The following CAT variants were observed in gnomAD, a reference collection of about 807,000 sequenced individuals.
CAT encodes the protein epididymis secretory sperm binding protein.
In CAT, 43 loss-of-function variants were observed where a neutral mutation model predicts 59.0. The ratio of observed to expected loss-of-function variants is 0.73; its 90% confidence interval spans 0.57 to 0.94. The LOEUF (loss-of-function observed/expected upper bound fraction) is 0.94, where lower values mean the gene tolerates loss of function less well. CAT is among the 40% of genes least tolerant of loss of function. The pLI is 0.00. For missense variants in CAT, 664 were observed against 682.9 expected, an observed-to-expected ratio of 0.97 and a Z score of 0.31; for synonymous variants, 218 against 230.9, an observed-to-expected ratio of 0.94 and a Z score of 0.51.
At chr11:34,447,057 A>G (rs1856465377) in intron 1 of CAT, among the ~76,000 whole-genome samples, 1 of 152,082 alleles carries the variant, frequency 6.6e-6, no homozygotes, top group African/African-American at 2.4e-5. Context: ...ATGTCCCTTT[A>G]TTTTTTAAAG....
intron 1 of CAT, among the ~76,000 whole-genome samples, chr11:34,441,834 A>G (rs748929288): frequency 9.2e-5 from 14 of 152,160 alleles, no homozygotes; most frequent in Non-Finnish European, 1.8e-4. Flanking sequence ...AAATTCTTAC[A>G]TAAGTCTTTT....
chr11:34,466,380 G>A (rs1025038152), intron 10 of CAT, among the ~76,000 whole-genome samples: 4 of 152,028 alleles, frequency 2.6e-5, no homozygotes, highest in Non-Finnish European at 5.9e-5. Context: ...AAATCAAGAG[G>A]GAGAAAAAAC....
At chr11:34,462,208 T>C (rs999079092) in intron 9 of CAT, among the ~76,000 whole-genome samples, 1 of 152,176 alleles carries the variant, frequency 6.6e-6, no homozygotes, top group African/African-American at 2.4e-5. Flanking sequence ...TTTAGTAATA[T>C]AGACTGCATG....
chr11:34,467,509 T>G (rs1363410946), intron 10 of CAT, among the ~76,000 whole-genome samples: 1 of 152,230 alleles, frequency 6.6e-6, no homozygotes, highest in Non-Finnish European at 1.5e-5. Flanking sequence ...GTTGATACTT[T>G]GGATAATTGG....
In CAT at chr11:34,456,208, T is replaced by A. The variant is rs752716591; in HGVS notation, c.903+6T>A. The A allele has an allele frequency of 6.2e-7, 1 of 1,603,626 alleles. No individual in the cohort carries two copies. Among genetic ancestry groups the A allele is most frequent in the South Asian group, 1.1e-5 (1 of 90,854 alleles). The stretch of plus-strand genomic sequence containing the variant: ...ATCCATTCGATCTCACCAAGGTGAG[T>A]CAGTAAACAACTATATTGTTTTCTT... On this transcript the variant is annotated splice_donor_region_variant and intron_variant, in intron 7 of 12. Coordinates refer to ENST00000241052, the MANE Select transcript of CAT (RefSeq NM_001752.4).
At chr11:34,454,028 C>T in intron 6 of CAT, 102 bp downstream of exon 6, 1 of 1,267,084 alleles carries the variant, frequency 7.9e-7, no homozygotes, top group Non-Finnish European at 1.1e-6. Context: ...CCACTTTTCC[C>T]TCACCTCCAT....
intron 8 of CAT, among the ~76,000 whole-genome samples, chr11:34,458,975 A>G (rs1424400817): frequency 6.6e-6 from 1 of 152,116 alleles, no homozygotes; most frequent in African/African-American, 2.4e-5. Flanking sequence ...TGGCAAATAT[A>G]TCTATTTTAA....
chr11:34,460,403 T>G (rs1270027844), intron 8 of CAT, among the ~76,000 whole-genome samples: 1 of 151,648 alleles, frequency 6.6e-6, no homozygotes, highest in African/African-American at 2.4e-5. Flanking sequence ...GAGCTCAAAG[T>G]GTTTCTGAGA....
At chr11:34,460,110 A>G (rs1185795626) in intron 8 of CAT, among the ~76,000 whole-genome samples, 1 of 152,198 alleles carries the variant, frequency 6.6e-6, no homozygotes, top group Non-Finnish European at 1.5e-5. Flanking sequence ...AAATACTTTT[A>G]AGGTTCAAGG....
At chr11:34,453,304 C>G (rs1325900883) in intron 5 of CAT, 110 bp downstream of exon 5, 1 of 781,498 alleles carries the variant, frequency 1.3e-6, no homozygotes, top group African/African-American at 1.7e-5. Flanking sequence ...AATCAGCTTC[C>G]TCAGATTTCT....
intron 10 of CAT, among the ~76,000 whole-genome samples, chr11:34,465,445 A>AGAT (rs1856703639): frequency 6.6e-6 from 1 of 152,222 alleles, no homozygotes; most frequent in African/African-American, 2.4e-5. Flanking sequence ...TTGGTGATGC[A>AGAT]GATGACACCA....
In CAT at chr11:34,461,279, A is replaced by G; in HGVS notation, c.1085A>G (p.His362Arg). The G allele has an allele frequency of 6.2e-7, 1 of 1,614,172 alleles. No homozygotes were observed. Among genetic ancestry groups the G allele is most frequent in the South Asian group, 1.1e-5 (1 of 91,078 alleles). ...QGRLFAYPDTHRHRLGPNYLH... is the reference protein window; with the variant it reads ...QGRLFAYPDTRRHRLGPNYLH... Reference sequence around the variant, plus strand: ...CGCCTTTTTGCCTATCCTGACACTCACCGCCATCGCCTGGGACCCAATTAT... The same window carrying G: ...CGCCTTTTTGCCTATCCTGACACTCGCCGCCATCGCCTGGGACCCAATTAT... The change falls in exon 9 of 13, where the codon CAC (histidine) becomes CGC (arginine). Residue 362 changes from histidine to arginine, a missense_variant. Transcript: ENST00000241052.
Position 34,461,280 on chromosome 11 carries a change from C to G in CAT, c.1086C>G (p.His362Gln), listed in dbSNP as rs202096868. Residue 362 changes from histidine (H) to glutamine (Q), a missense_variant, in exon 9 of 13, where the codon CAC becomes CAG. His to Gln is a conservative substitution (Grantham distance 24). Coordinates refer to ENST00000241052, the MANE Select transcript of CAT (RefSeq NM_001752.4). ...QGRLFAYPDTHRHRLGPNYLH... is the reference protein window; with the variant it reads ...QGRLFAYPDTQRHRLGPNYLH... Reference sequence around the variant, plus strand: ...GCCTTTTTGCCTATCCTGACACTCACCGCCATCGCCTGGGACCCAATTATC... The same window carrying G: ...GCCTTTTTGCCTATCCTGACACTCAGCGCCATCGCCTGGGACCCAATTATC... 3 of 1,614,240 alleles carry G rather than the reference C, an allele frequency of 1.9e-6. No individual in the cohort carries two copies.
chr11:34,450,978 T>G lies in CAT; in HGVS notation c.239-10T>G. The G allele has an allele frequency of 6.3e-7, 1 of 1,576,012 alleles. No individual in the cohort carries two copies. The highest frequency in any genetic ancestry group is 8.7e-7 in the Non-Finnish European group (1 of 1,145,282). ...TCTCATGGTAAGGATTTCTGTGTCT[T>G]TCTCGTTAGGGGCCTTTGGCTACTT... is the stretch of plus-strand genomic sequence containing the variant. On this transcript the variant is annotated splice_polypyrimidine_tract_variant and intron_variant, in intron 2 of 12. Coordinates refer to ENST00000241052, the MANE Select transcript of CAT (RefSeq NM_001752.4).
At position 34,469,579 on chromosome 11, in the gene CAT, G is replaced by A. The variant is rs1408115894; in HGVS notation, c.1434+1184G>A. Among the ~76,000 whole-genome samples the A allele has an allele frequency of 2.0e-5, 3 of 151,960 alleles. No homozygotes were observed. The East Asian group carries it at 5.8e-4, about 29-fold the overall frequency. ...AATGTAAATCACTGTAATTTGTTAAGCGCTTACTCTGAGGTCAGCTCTTTT... is the reference window on the plus strand; with the variant it reads ...AATGTAAATCACTGTAATTTGTTAAACGCTTACTCTGAGGTCAGCTCTTTT... On this transcript the variant is annotated intron_variant, in intron 11 of 12. Transcript: ENST00000241052.
intron 10 of CAT, among the ~76,000 whole-genome samples, chr11:34,466,804 A>AAG (rs1554938652): frequency 6.7e-4 from 99 of 147,754 alleles, no homozygotes; most frequent in African/African-American, 2.5e-3. Context: ...AAAAAAAAAA[A>AAG]GAAAATAGAT....
At chr11:34,450,058 TATCTAGAC>T (rs1467903584) in intron 2 of CAT, among the ~76,000 whole-genome samples, 1 of 152,166 alleles carries the variant, frequency 6.6e-6, no homozygotes, top group Non-Finnish European at 1.5e-5. Context: ...GGAGAAAACC[TATCTAGAC>T]ATGGGGAGAA....
chr11:34,460,560 A>C (rs1856638654), intron 8 of CAT, among the ~76,000 whole-genome samples: 1 of 142,374 alleles, frequency 7.0e-6, no homozygotes, highest in South Asian at 2.2e-4. Context: ...CAGTCCTCCC[A>C]CTTCAGCCTG....
chr11:34,445,082 T>C (rs1256825833), intron 1 of CAT, among the ~76,000 whole-genome samples: 1 of 152,204 alleles, frequency 6.6e-6, no homozygotes, highest in East Asian at 1.9e-4. Context: ...GTCCGTGGTT[T>C]AGTTTATTTG....
Sources: allele counts gnomAD v4.1 joint callset (sites outside exome capture counted in the v4.1 genomes callset), GRCh38; gene constraint gnomAD v4.1.1; transcripts MANE v1.5; gene names NCBI Gene and HGNC (gene_info 2026-07-23, HGNC 2026-07-21).